The following MTMR11 variants were observed in gnomAD, a reference collection of about 807,000 sequenced individuals.
MTMR11 encodes the protein myotubularin related protein 11.
In MTMR11, 89 loss-of-function variants were observed where a neutral mutation model predicts 100.0. The observed-to-expected ratio is 0.89, with a 90% CI of 0.75 to 1.06. The LOEUF (loss-of-function observed/expected upper bound fraction) is 1.06. Among genes scored for constraint, MTMR11 ranks in the 50% least tolerant of loss-of-function variants. The pLI is 0.00. For missense variants in MTMR11, 809 were observed against 873.7 expected (o/e 0.93, Z 0.93); for synonymous variants, 336 against 326.3 (o/e 1.03, Z -0.32).
Position 149,928,831 on chromosome 1 carries a change from G to A in MTMR11, c.*298C>T. 6.3e-7 allele frequency: 1 copy of A among 1,587,162 alleles called. No homozygotes were observed. The highest frequency in any genetic ancestry group is 8.7e-7 in the Non-Finnish European group (1 of 1,155,566). On this transcript the variant is annotated 3_prime_UTR_variant, in exon 17 of 17. Coordinates refer to ENST00000439741, the MANE Select transcript of MTMR11 (RefSeq NM_001145862.2). ...GAGAATGCGATTTCTAGGCCATCTT[G>A]TTGGGACTGATGAACAGCATCTCTG...
At chr1:149,931,203 C>A in intron 13 of MTMR11, 57 bp downstream of exon 13, 1 of 1,605,424 alleles carries the variant, frequency 6.2e-7, no homozygotes, top group Non-Finnish European at 8.5e-7. Context: ...AAAATAATTT[C>A]TCATTCTCTT....
intron 7 of MTMR11, 100 bp downstream of exon 7, chr1:149,934,091 C>A: frequency 6.3e-7 from 1 of 1,581,314 alleles, no homozygotes; most frequent in South Asian, 1.1e-5. Flanking sequence ...TTGTGGGTGT[C>A]CTAGGAGGCT....
intron 5 of MTMR11, 60 bp downstream of exon 5, chr1:149,934,926 C>A (rs1334609911): frequency 6.4e-7 from 1 of 1,572,636 alleles, no homozygotes; most frequent in Non-Finnish European, 8.6e-7. Flanking sequence ...CAGAAATTGT[C>A]AGGGAGAGGA....
chr1:149,932,178 AAAG>A (rs1193145081), intron 11 of MTMR11, 83 bp downstream of exon 11: 1 of 1,469,480 alleles, frequency 6.8e-7, no homozygotes, highest in East Asian at 2.3e-5. Flanking sequence ...GAGAAGAACT[AAAG>A]AAAGGCCATT....
chr1:149,933,918 AG>A lies in MTMR11; in HGVS notation c.707del (p.Pro236LeufsTer56). The A allele has an allele frequency of 6.2e-7, 1 of 1,614,226 alleles. No individual in the cohort carries two copies. The highest frequency in any genetic ancestry group is 2.2e-5 in the East Asian group (1 of 44,896). Reference protein sequence around the residue: ...ATSLPRYFWVPNRILDSEVRR... With the variant: ...ATSLPRYFWVXNRILDSEVRR... ...TGACCTCACTGTCCAGAATTCGGTT[AG>A]GGACCCAGAAGTAACGGGGGAGGCT... On this transcript the variant is annotated frameshift_variant, in exon 8 of 17. Coordinates refer to ENST00000439741, the MANE Select transcript of MTMR11 (RefSeq NM_001145862.2). LOFTEE classifies it high-confidence loss of function.
Position 149,929,094 on chromosome 1 carries a change from A to C in MTMR11, c.*35T>G. The C allele has an allele frequency of 1.1e-5, 2 of 175,832 alleles. No individual in the cohort carries two copies. Among genetic ancestry groups the C allele is most frequent in the Non-Finnish European group, 1.2e-5 (1 of 86,414 alleles). 10.9% of individuals were successfully genotyped at this position (175,832 alleles called of 1,614,324 possible). ...AAGCTGAGGCTGCAAGTGCAGATACAAAAAAAAAAAAAAAAGATTAGACAG... is the reference window on the plus strand; with the variant it reads ...AAGCTGAGGCTGCAAGTGCAGATACCAAAAAAAAAAAAAAAGATTAGACAG... On this transcript the variant is annotated 3_prime_UTR_variant, in exon 17 of 17. Coordinates refer to ENST00000439741, the MANE Select transcript of MTMR11 (RefSeq NM_001145862.2).
At chr1:149,932,685 C>G (rs1245713450) in intron 10 of MTMR11, among the ~76,000 whole-genome samples, 1 of 152,066 alleles carries the variant, frequency 6.6e-6, no homozygotes, top group Admixed American at 6.5e-5. Context: ...ACGGCTTGTG[C>G]CTGTAATCCC....
rs1553768809 is a variant in MTMR11 at position 149,935,291 on chromosome 1, C to CA, written c.325+7dup. ...TGAACCCCTTCACCAAACCCCCCCCCAACTTACCAGCCTCTAATCGTCCAA... is the reference window on the plus strand; with the variant it reads ...TGAACCCCTTCACCAAACCCCCCCCCAAACTTACCAGCCTCTAATCGTCCAA... On this transcript the variant is annotated splice_region_variant and intron_variant, in intron 4 of 16. Transcript: ENST00000439741. The CA allele has an allele frequency of 7.4e-6, 12 of 1,612,870 alleles. No homozygotes were observed. The highest frequency in any genetic ancestry group is 1.1e-5 in the South Asian group (1 of 91,050).
intron 15 of MTMR11, 146 bp downstream of exon 15, chr1:149,930,219 C>T: frequency 1.1e-6 from 1 of 886,946 alleles, no homozygotes; most frequent in Non-Finnish European, 1.7e-6. Flanking sequence ...CCTAGGGACA[C>T]CCAGGGACTA....
rs1364104448 is a variant in MTMR11 at position 149,930,894 on chromosome 1, G to A, written c.1362C>T (p.Phe454=). Residue 454 remains phenylalanine (F), a synonymous_variant, in exon 14 of 17, where the codon TTC becomes TTT. Coordinates refer to ENST00000439741, the MANE Select transcript of MTMR11 (RefSeq NM_001145862.2). ...GAAGAGCAAGAAGGAAAAACTCAGA[G>A]AATTCAAAATCAGCTGGAAACTGCT... The part of the protein sequence containing the change: ...LLQQFPADFE[F]SEFFLLALHD... 1.9e-6 allele frequency: 3 copies of A among 1,613,270 alleles called. No individual in the cohort carries two copies. The highest frequency in any genetic ancestry group is 2.7e-5 in the African/African-American group (2 of 74,842).
chr1:149,935,677 C>A lies in MTMR11; in HGVS notation c.171G>T (p.Gly57=). 6.2e-7 allele frequency: 1 copy of A among 1,612,564 alleles called. No homozygotes were observed. Among genetic ancestry groups the A allele is most frequent in the East Asian group, 2.2e-5 (1 of 44,762 alleles). Residue 57 remains glycine, a synonymous_variant, in exon 3 of 17, where the codon GGG becomes GGT. Coordinates refer to ENST00000439741, the MANE Select transcript of MTMR11 (RefSeq NM_001145862.2). The part of the protein sequence containing the change: ...PGEQILAWAP[G]VRKGLEPELS... Reference sequence around the variant, plus strand: ...ATTCTGGTTCCAGGCCCTTCCTCACCCCTGGGGCCCATGCTAGGATCTGCT... The same window carrying A: ...ATTCTGGTTCCAGGCCCTTCCTCACACCTGGGGCCCATGCTAGGATCTGCT...
At chr1:149,934,636 G>T in intron 5 of MTMR11, 110 bp from the exon 6 acceptor site, 1 of 1,178,396 alleles carries the variant, frequency 8.5e-7, no homozygotes, top group Non-Finnish European at 1.2e-6. Flanking sequence ...AAGAAGAACA[G>T]TGAAGACAGT....
At position 149,933,886 on chromosome 1, in the gene MTMR11, G is replaced by A. The variant is rs1553768289; in HGVS notation, c.740C>T (p.Ala247Val). ...ACGGCCCTGATGAAAGTGGCCAAAT[G>A]CTCTCCTGACCTCACTGTCCAGAAT... ...NRILDSEVRR[A>V]FGHFHQGRGP... The change falls in exon 8 of 17, where the codon GCA becomes GTA. Residue 247 changes from alanine (A) to valine (V), a missense_variant. Coordinates refer to ENST00000439741, the MANE Select transcript of MTMR11 (RefSeq NM_001145862.2). The A allele has an allele frequency of 6.2e-7, 1 of 1,614,194 alleles. No individual in the cohort carries two copies. The highest frequency in any genetic ancestry group is 1.1e-5 in the South Asian group (1 of 91,090).
rs782529242 is a variant in MTMR11 at position 149,930,816 on chromosome 1, C to A, written c.1440G>T (p.Trp480Cys). 6.3e-7 allele frequency: 1 copy of A among 1,590,240 alleles called. No homozygotes were observed. The highest frequency in any genetic ancestry group is 1.1e-5 in the South Asian group (1 of 86,982). ...DTLTFLRNTP[W>C]ERGKQSGQLN... ...CCTGTCCGCTCTGCTTTCCGCGCTC[C>A]CAGGGGGTATTTCTCAGGAAGGTAA... The change falls in exon 14 of 17, where the codon TGG becomes TGT. Residue 480 changes from tryptophan (W) to cysteine (C), a missense_variant. Coordinates refer to ENST00000439741, the MANE Select transcript of MTMR11 (RefSeq NM_001145862.2).
chr1:149,935,496 C>T, intron 3 of MTMR11, 88 bp downstream of exon 3: 2 of 1,585,564 alleles, frequency 1.3e-6, no homozygotes, highest in Non-Finnish European at 1.7e-6. Context: ...AAAAGACAGC[C>T]CTTAACCCAT....
chr1:149,936,429 G>T, intron 1 of MTMR11, 153 bp downstream of exon 1: 1 of 1,411,376 alleles, frequency 7.1e-7, no homozygotes, highest in Non-Finnish European at 9.4e-7. Context: ...ACGAACTTGA[G>T]ACTGAGAAAG....
In MTMR11 at chr1:149,934,562, G is replaced by C. The variant is rs1302823264; in HGVS notation, c.469-36C>G. ...AAGGACATTCCATCCTTTTGGCTTAGGCTGAGTAAGTGAAAAGAAGGAAAT... is the reference window on the plus strand; with the variant it reads ...AAGGACATTCCATCCTTTTGGCTTACGCTGAGTAAGTGAAAAGAAGGAAAT... On this transcript the variant is annotated intron_variant, in intron 5 of 16. Transcript: ENST00000439741. 2.5e-6 allele frequency: 4 copies of C among 1,595,922 alleles called. No homozygotes were observed. In the Admixed American group the frequency reaches 6.7e-5, roughly 27 times the overall value.
intron 3 of MTMR11, 91 bp from the exon 4 acceptor site, chr1:149,935,450 TAGAG>T: frequency 6.3e-7 from 1 of 1,578,896 alleles, no homozygotes; most frequent in South Asian, 1.1e-5. Context: ...GCAACAACCC[TAGAG>T]AGAGTTCCCA....
rs55966070 is a variant in MTMR11 at position 149,935,290 on chromosome 1, C to T, written c.325+9G>A. 43 of 1,613,314 alleles carry T rather than the reference C, an allele frequency of 2.7e-5. No individual in the cohort carries two copies. The highest frequency in any genetic ancestry group is 3.3e-4 in the Middle Eastern group (2 of 6,084). On this transcript the variant is annotated intron_variant, in intron 4 of 16. Coordinates refer to ENST00000439741, the MANE Select transcript of MTMR11 (RefSeq NM_001145862.2). Reference sequence around the variant, plus strand: ...GTGAACCCCTTCACCAAACCCCCCCCCAACTTACCAGCCTCTAATCGTCCA... The same window carrying T: ...GTGAACCCCTTCACCAAACCCCCCCTCAACTTACCAGCCTCTAATCGTCCA...
Sources: allele counts gnomAD v4.1 joint callset (sites outside exome capture counted in the v4.1 genomes callset), GRCh38; gene constraint gnomAD v4.1.1; transcripts MANE v1.5; gene names NCBI Gene and HGNC (gene_info 2026-07-23, HGNC 2026-07-21).